The following PIAS4 variants were observed in gnomAD, a reference collection of about 807,000 sequenced individuals.
PIAS4 encodes the protein protein inhibitor of activated STAT 4.
In PIAS4, 7 loss-of-function variants were observed where a neutral mutation model predicts 58.0. The ratio of observed to expected loss-of-function variants is 0.12; its 90% CI spans 0.07 to 0.23. The LOEUF (loss-of-function observed/expected upper bound fraction) is 0.23. Among genes scored for constraint, PIAS4 ranks in the 10% least tolerant of loss-of-function variants. PIAS4 has a pLI of 1.00. For synonymous variants in PIAS4, 364 were observed against 312.4 expected (o/e 1.17, Z -1.74); for missense variants, 550 against 709.5 (o/e 0.78, Z 2.55).
chr19:4,033,737 C>T (rs112671148), intron 9 of PIAS4, among the ~76,000 whole-genome samples, 157 bp downstream of exon 9: 5 of 152,238 alleles, frequency 3.3e-5, no homozygotes, highest in African/African-American at 4.8e-5. Flanking sequence ...CGAAAAGAGC[C>T]GGTTTCTTTC....
At chr19:4,033,039 C>G in intron 7 of PIAS4, 61 bp from the exon 8 acceptor site, 2 of 1,368,356 alleles carry the variant, frequency 1.5e-6, no homozygotes, top group East Asian at 2.3e-5. Flanking sequence ...GAACTCGAAT[C>G]ACAGCCCCGC....
At chr19:4,025,811 C>A (rs574462053) in intron 3 of PIAS4, among the ~76,000 whole-genome samples, 1 of 152,264 alleles carries the variant, frequency 6.6e-6, no homozygotes, top group African/African-American at 2.4e-5. Flanking sequence ...CGGTGGCTCA[C>A]AACTGTAATC....
At position 4,038,424 on chromosome 19, in the gene PIAS4, G is replaced by C. The variant is rs1024402194; in HGVS notation, c.*549G>C. 6 of 149,458 alleles carry C rather than the reference G, an allele frequency of 4.0e-5. No homozygotes were observed. Among genetic ancestry groups the C allele is most frequent in the Non-Finnish European group, 7.4e-5 (5 of 67,224 alleles). The allele number at this position is 149,458 out of a possible 1,614,324, so 9.3% of individuals were successfully genotyped here. The stretch of plus-strand genomic sequence containing the variant: ...CGAGCGTTTTAGCCGAGAAGCCATG[G>C]AGTGGGTTGGGGCGGGGAGGGGCAG... On this transcript the variant is annotated 3_prime_UTR_variant, in exon 11 of 11. Transcript: ENST00000262971. This position sits in a 1 kb window ranked among gnomAD's most constrained non-coding sequence, Gnocchi z 4.1.
At chr19:4,024,154 C>T (rs769327840) in intron 3 of PIAS4, 34 bp downstream of exon 3, 5 of 1,499,876 alleles carry the variant, frequency 3.3e-6, no homozygotes, top group African/African-American at 1.4e-5. Flanking sequence ...AGCACCCCAC[C>T]GCCCGCCCAC....
intron 2 of PIAS4, among the ~76,000 whole-genome samples, chr19:4,015,498 C>G (rs374346361): frequency 2.6e-4 from 40 of 152,336 alleles, no homozygotes; most frequent in African/African-American, 9.1e-4. Context: ...CTCTCTCCAT[C>G]TCAGGCCGCC....
intron 1 of PIAS4, among the ~76,000 whole-genome samples, chr19:4,008,034 G>A (rs1002647126): frequency 1.3e-5 from 2 of 151,630 alleles, no homozygotes; most frequent in African/African-American, 4.8e-5. Flanking sequence ...TTCAGGCAGG[G>A]TCCCCCCACC....
rs375415675 is a variant in PIAS4 at position 4,021,649 on chromosome 19, C to T, written c.455-2387C>T. On this transcript the variant is annotated intron_variant, in intron 2 of 10. Transcript: ENST00000262971. Reference sequence around the variant, plus strand: ...GTAAAATAAGAAGTATGCTTTCCTTCTCTGTTTTTTGAAAGAGTTTATGTA... The same window carrying T: ...GTAAAATAAGAAGTATGCTTTCCTTTTCTGTTTTTTGAAAGAGTTTATGTA... Among the ~76,000 whole-genome samples the T allele has an allele frequency of 2.3e-4, 35 of 151,232 alleles. 1 individual carries two copies. In the South Asian group the frequency reaches 6.9e-3, roughly 30 times the overall value.
At chr19:4,014,960 C>A (rs961889771) in intron 2 of PIAS4, among the ~76,000 whole-genome samples, 1 of 152,166 alleles carries the variant, frequency 6.6e-6, no homozygotes, top group Admixed American at 6.5e-5. Context: ...GTGGTTCCTG[C>A]GGCAGCCGAG....
intron 2 of PIAS4, among the ~76,000 whole-genome samples, chr19:4,015,968 A>G (rs947779989): frequency 1.3e-5 from 2 of 152,098 alleles, no homozygotes; most frequent in African/African-American, 2.4e-5. Context: ...CTCCAGTGGG[A>G]GGTGCCGTGT....
Position 4,037,631 on chromosome 19 carries a change from A to T in PIAS4, c.1289A>T (p.Asn430Ile), listed in dbSNP as rs112334040. Reference protein sequence around the residue: ...AILVLGPSDANGLLPAPSVNG... With the variant: ...AILVLGPSDAIGLLPAPSVNG... ...TTGCCCGTAGGCCCCTCGGACGCCA[A>T]TGGGCTCCTGCCCGCCCCCAGCGTC... The change falls in exon 11 of 11, where the codon AAT (asparagine) becomes ATT (isoleucine). Residue 430 changes from asparagine to isoleucine, a missense_variant. This residue lies in a region of PIAS4 where 188 missense variants were observed against 192.0 expected (regional missense o/e 0.98). Transcript: ENST00000262971. This position sits in a 1 kb window ranked among gnomAD's most constrained non-coding sequence, Gnocchi z 5.8. 2.5e-6 allele frequency: 4 copies of T among 1,611,152 alleles called. No homozygotes were observed. The highest frequency in any genetic ancestry group is 3.4e-6 in the Non-Finnish European group (4 of 1,179,764).
chr19:4,007,916 C>T, intron 1 of PIAS4, 129 bp downstream of exon 1: 1 of 609,350 alleles, frequency 1.6e-6, no homozygotes, highest in East Asian at 4.2e-5. Flanking sequence ...CCGTCCCGGC[C>T]CCCAGACCCC....
At position 4,012,961 on chromosome 19, in the gene PIAS4, G is replaced by T. The variant is rs1250182612; in HGVS notation, c.66G>T (p.Met22Ile). The change falls in exon 2 of 11, where the codon ATG becomes ATT. Residue 22 changes from methionine (M) to isoleucine (I), a missense_variant. This residue lies in a region of PIAS4 where 42 missense variants were observed against 84.3 expected (regional missense o/e 0.50). Transcript: ENST00000262971. ...GTTTTCGAGTCTCCGACCTTCAGATGCTCCTGGGTTTCGTGGGCCGGAGTA... is the reference window on the plus strand; with the variant it reads ...GTTTTCGAGTCTCCGACCTTCAGATTCTCCTGGGTTTCGTGGGCCGGAGTA... ...VMSFRVSDLQ[M>I]LLGFVGRSKS... 2 of 1,613,524 alleles carry T rather than the reference G, an allele frequency of 1.2e-6. No individual in the cohort carries two copies. The highest frequency in any genetic ancestry group is 1.3e-5 in the African/African-American group (1 of 74,890).
Position 4,037,555 on chromosome 19 carries a change from G to A in PIAS4, c.1273+51G>A. 1 of 1,607,586 alleles carries A rather than the reference G, an allele frequency of 6.2e-7. No homozygotes were observed. Among genetic ancestry groups the A allele is most frequent in the Non-Finnish European group, 8.5e-7 (1 of 1,179,740 alleles). On this transcript the variant is annotated intron_variant, in intron 10 of 10. Transcript: ENST00000262971. The surrounding 1 kb of genome is among the most constrained non-coding windows in gnomAD (Gnocchi z 5.8). ...GCAGTCCGCAGCCAGGGCCGCCTCA[G>A]TTTCCCCATTTATCAGTGGTTGCAT...
chr19:4,037,882 C>T lies in PIAS4; in HGVS notation c.*7C>T. On this transcript the variant is annotated 3_prime_UTR_variant, in exon 11 of 11. Coordinates refer to ENST00000262971, the MANE Select transcript of PIAS4 (RefSeq NM_015897.4). The surrounding 1 kb of genome is among the most constrained non-coding windows in gnomAD (Gnocchi z 5.8). ...CCTGGTGCCGGCCTGCTGACCCCGG[C>T]CGCACACTCGACTTTCCTGGTGCTC... The T allele has an allele frequency of 1.3e-6, 2 of 1,566,230 alleles. No individual in the cohort carries two copies. The highest frequency in any genetic ancestry group is 1.3e-5 in the African/African-American group (1 of 74,306).
intron 1 of PIAS4, among the ~76,000 whole-genome samples, chr19:4,009,729 G>C (rs1599212272): frequency 6.6e-6 from 1 of 152,278 alleles, no homozygotes; most frequent in South Asian, 2.1e-4. Flanking sequence ...CTTCTTTACA[G>C]GGGCCTTCCC....
rs539327506 is a variant in PIAS4 at position 4,013,429 on chromosome 19, G to A, written c.454+80G>A. The stretch of plus-strand genomic sequence containing the variant: ...CCCAGCCCAGCCCAGCCACACAGCC[G>A]ACTTCGAGTGATGTTCTCTGTGGCG... On this transcript the variant is annotated intron_variant, in intron 2 of 10. Transcript: ENST00000262971. The surrounding 1 kb of genome is among the most constrained non-coding windows in gnomAD (Gnocchi z 5.1). 1.3e-3 allele frequency: 1,616 copies of A among 1,265,348 alleles called. 3 individuals carry two copies. The highest frequency in any genetic ancestry group is 1.6e-3 in the Non-Finnish European group (1,439 of 899,372). 78.4% of individuals were successfully genotyped at this position (1,265,348 alleles called of 1,614,324 possible). A position where few individuals can be genotyped will look rare whatever the true frequency, so the allele number is the denominator to read the frequency against.
At chr19:4,017,266 T>C (rs1229850723) in intron 2 of PIAS4, among the ~76,000 whole-genome samples, 1 of 152,098 alleles carries the variant, frequency 6.6e-6, no homozygotes, top group African/African-American at 2.4e-5. Context: ...GCCACCCCCA[T>C]GTCCCGCTAG....
chr19:4,035,160 G>A (rs953294126), intron 9 of PIAS4, among the ~76,000 whole-genome samples: 1 of 152,158 alleles, frequency 6.6e-6, no homozygotes, highest in Admixed American at 6.5e-5. Context: ...AGAGCTCGGC[G>A]GGGCGGAGGG....
In PIAS4 at chr19:4,013,088, C is replaced by T. The variant is rs2040012778; in HGVS notation, c.193C>T (p.Arg65Cys). Reference sequence around the variant, plus strand: ...GAAGATCAAGGAGCTGTACGAGACCCGCTACGCCAAGAAGAACTCGGAGCC... The same window carrying T: ...GAAGATCAAGGAGCTGTACGAGACCTGCTACGCCAAGAAGAACTCGGAGCC... ...FKKIKELYET[R>C]YAKKNSEPAP... The change falls in exon 2 of 11, where the codon CGC becomes TGC. Residue 65 changes from arginine to cysteine, a missense_variant. By Grantham distance (180) the Arg-to-Cys change is radical. Transcript: ENST00000262971. The surrounding 1 kb of genome is among the most constrained non-coding windows in gnomAD (Gnocchi z 5.1). 1 of 1,613,336 alleles carries T rather than the reference C, an allele frequency of 6.2e-7. No homozygotes were observed. Among genetic ancestry groups the T allele is most frequent in the South Asian group, 1.1e-5 (1 of 91,088 alleles).
Sources: gnomAD v4.1 joint callset for allele counts (sites outside exome capture counted in the v4.1 genomes callset) on GRCh38, gnomAD v4.1.1 for gene constraint, gnomAD v4.1.1 regional missense constraint, Gnocchi (gnomAD v3.1) non-coding constraint, MANE v1.5 for transcripts, NCBI Gene and HGNC (gene_info 2026-07-23, HGNC 2026-07-21) for gene names.